Variants in EPHB2 observed in about 807,000 individuals in gnomAD.
EPHB2 encodes the protein ephrin type-B receptor 2.
In EPHB2, 18 loss-of-function variants were observed where a neutral mutation model predicts 96.4. That is an observed-to-expected ratio of 0.19 (90% CI 0.13 to 0.28). EPHB2 has a LOEUF of 0.28. Ranked by LOEUF, EPHB2 falls within the 10% of genes least tolerant of loss-of-function variation. The pLI, the probability that EPHB2 is intolerant of heterozygous loss-of-function variation, is 1.00. For synonymous variants in EPHB2, 506 were observed against 534.1 expected, an observed-to-expected ratio of 0.95 and a Z score of 0.72; for missense variants, 989 against 1,355.4, an observed-to-expected ratio of 0.73 and a Z score of 4.25.
At chr1:22,902,169 C>T (rs995222393) in intron 9 of EPHB2, among the ~76,000 whole-genome samples, 4 of 152,178 alleles carry the variant, frequency 2.6e-5, no homozygotes, top group Non-Finnish European at 5.9e-5. Flanking sequence ...GAAAAACAGG[C>T]ATCACATGTG....
At chr1:22,755,369 GA>G (rs1474190065) in intron 1 of EPHB2, among the ~76,000 whole-genome samples, 1 of 152,118 alleles carries the variant, frequency 6.6e-6, no homozygotes, top group East Asian at 1.9e-4. Context: ...AACAAAGACC[GA>G]AAAAACATTT....
chr1:22,901,464 C>G (rs1018498689), intron 9 of EPHB2, among the ~76,000 whole-genome samples: 2 of 152,230 alleles, frequency 1.3e-5, no homozygotes, highest in Non-Finnish European at 2.9e-5. Context: ...ACTCTGTACA[C>G]TGGTTCCTCT....
chr1:22,761,133 T>C (rs1644229894), intron 1 of EPHB2, among the ~76,000 whole-genome samples: 1 of 152,132 alleles, frequency 6.6e-6, no homozygotes, highest in Admixed American at 6.5e-5. Context: ...CCCATGATTC[T>C]CTTCTGATCT....
intron 1 of EPHB2, among the ~76,000 whole-genome samples, chr1:22,758,043 C>T (rs1015178126): frequency 1.5e-4 from 22 of 146,382 alleles, no homozygotes; most frequent in Admixed American, 1.4e-3. Context: ...CTCAGCCTCC[C>T]GAGTAGCTGG....
At chr1:22,829,363 C>T (rs185637053) in intron 3 of EPHB2, among the ~76,000 whole-genome samples, 24 of 152,342 alleles carry the variant, frequency 1.6e-4, no homozygotes, top group African/African-American at 5.0e-4. Context: ...GTCTTAGGGG[C>T]CCACCAGATC....
At chr1:22,912,121 G>T (rs1384901101) in intron 14 of EPHB2, among the ~76,000 whole-genome samples, 1 of 152,160 alleles carries the variant, frequency 6.6e-6, no homozygotes, top group Non-Finnish European at 1.5e-5. Flanking sequence ...GCATGGAGCT[G>T]CGTCTTCCCC....
intron 3 of EPHB2, among the ~76,000 whole-genome samples, chr1:22,853,167 A>C (rs187103992): frequency 6.6e-6 from 1 of 152,202 alleles, no homozygotes; most frequent in Non-Finnish European, 1.5e-5. Flanking sequence ...TGGCTAACAC[A>C]GTGAAATCCC....
intron 1 of EPHB2, chr1:22,774,635 G>A: frequency 3.0e-6 from 3 of 985,292 alleles, no homozygotes; most frequent in East Asian, 2.3e-4. Context: ...GACGGTGGCT[G>A]GAAGGTAATT....
chr1:22,779,098 C>T (rs1003093632), intron 1 of EPHB2, among the ~76,000 whole-genome samples: 3 of 152,222 alleles, frequency 2.0e-5, no homozygotes, highest in African/African-American at 7.2e-5. Context: ...GGCAGAGAGC[C>T]CGGCTTGGCG....
At chr1:22,713,468 A>G (rs866399777) in intron 1 of EPHB2, among the ~76,000 whole-genome samples, 12 of 152,268 alleles carry the variant, frequency 7.9e-5, no homozygotes, top group South Asian at 2.1e-4. Context: ...GAGTGATGAC[A>G]GCGCCTGTCC....
intron 3 of EPHB2, among the ~76,000 whole-genome samples, chr1:22,805,882 AG>A (rs1644918506): frequency 6.6e-6 from 1 of 152,198 alleles, no homozygotes; most frequent in African/African-American, 2.4e-5. Flanking sequence ...TGGGAGGCCG[AG>A]CCCATTTGTA....
At position 22,914,062 on chromosome 1, in the gene EPHB2, G is replaced by T; in HGVS notation, c.*492G>T. 1.4e-6 allele frequency: 1 copy of T among 702,592 alleles called. No homozygotes were observed. The highest frequency in any genetic ancestry group is 2.2e-5 in the South Asian group (1 of 45,666). The allele number at this position is 702,592 out of a possible 1,614,324, so 43.5% of individuals were successfully genotyped here. A position where few individuals can be genotyped will look rare whatever the true frequency, so the allele number is the denominator to read the frequency against. On this transcript the variant is annotated 3_prime_UTR_variant, in exon 16 of 16. Coordinates refer to ENST00000374630, the MANE Select transcript of EPHB2 (RefSeq NM_017449.5). ...TCTAGGCCTCACTCAACAACCAAGC[G>T]CCTGGAGGACGGGACAGATGGACAG...
At chr1:22,775,967 G>A (rs1330911679) in intron 1 of EPHB2, among the ~76,000 whole-genome samples, 1 of 152,242 alleles carries the variant, frequency 6.6e-6, no homozygotes, top group Non-Finnish European at 1.5e-5. Context: ...AAGGGCAGGT[G>A]AAACGGCAAA....
intron 3 of EPHB2, among the ~76,000 whole-genome samples, chr1:22,818,762 TCA>T (rs1214342897): frequency 3.3e-5 from 5 of 152,108 alleles, no homozygotes; most frequent in African/African-American, 1.2e-4. Flanking sequence ...CCGTCAGGTC[TCA>T]GTTTTGACGT....
At chr1:22,769,683 C>T (rs1644352321) in intron 1 of EPHB2, among the ~76,000 whole-genome samples, 1 of 152,318 alleles carries the variant, frequency 6.6e-6, no homozygotes, top group East Asian at 1.9e-4. Context: ...GCTGGGATTA[C>T]AGGCGTGAGC....
At position 22,710,939 on chromosome 1, in the gene EPHB2, CG is replaced by C. The variant is rs1304440113; in HGVS notation, c.-41del. On this transcript the variant is annotated 5_prime_UTR_variant, in exon 1 of 16. Transcript: ENST00000374630. ...GGCGCGCGCTCCCGCCCGGGCCGTCCGGGCCCCGCGGCGCCGCGGCCCGAGG... is the reference window on the plus strand; with the variant it reads ...GGCGCGCGCTCCCGCCCGGGCCGTCCGGCCCCGCGGCGCCGCGGCCCGAGG... 9 of 150,038 alleles carry C rather than the reference CG, an allele frequency of 6.0e-5. No homozygotes were observed. The South Asian group carries it at 1.4e-3, about 24-fold the overall frequency. The allele number at this position is 150,038 out of a possible 1,614,324, so 9.3% of individuals were successfully genotyped here.
At chr1:22,726,950 T>G (rs575319901) in intron 1 of EPHB2, among the ~76,000 whole-genome samples, 3 of 152,228 alleles carry the variant, frequency 2.0e-5, no homozygotes, top group Admixed American at 2.0e-4. Flanking sequence ...GGGAACAGCC[T>G]AGGCAAAGGC....
chr1:22,784,913 C>T lies in EPHB2; in HGVS notation c.648C>T (p.Ser216=). 2 of 1,614,018 alleles carry T rather than the reference C, an allele frequency of 1.2e-6. No individual in the cohort carries two copies. The highest frequency in any genetic ancestry group is 1.7e-6 in the Non-Finnish European group (2 of 1,180,058). ...IFQETLSGAE[S]TSLVAARGSC... ...AGGAAACCCTGTCGGGGGCTGAGAG[C>T]ACATCGCTGGTGGCTGCCCGGGGCA... is the stretch of plus-strand genomic sequence containing the variant. The change falls in exon 3 of 16, where the codon AGC becomes AGT. Residue 216 remains serine, a synonymous_variant. Transcript: ENST00000374630. The surrounding 1 kb of genome is among the most constrained non-coding windows in gnomAD (Gnocchi z 5.1).
rs947626226 is a variant in EPHB2, at chr1:22,919,214, T to A, written c.*5644T>A. 1 of 152,230 alleles carries A rather than the reference T, an allele frequency of 6.6e-6. No homozygotes were observed. The highest frequency in any genetic ancestry group is 1.5e-5 in the Non-Finnish European group (1 of 68,082). The allele number at this position is 152,230 out of a possible 1,614,324, so 9.4% of individuals were successfully genotyped here. A position where few individuals can be genotyped will look rare whatever the true frequency, so the allele number is the denominator to read the frequency against. Reference sequence around the variant, plus strand: ...TGATGTCTGCAGAGAGAGGGTCTGCTGTAGACAGGGATTAAGAAAAAGCAG... The same window carrying A: ...TGATGTCTGCAGAGAGAGGGTCTGCAGTAGACAGGGATTAAGAAAAAGCAG... On this transcript the variant is annotated 3_prime_UTR_variant, in exon 16 of 16. Transcript: ENST00000374630.
Sources: allele counts gnomAD v4.1 joint callset (sites outside exome capture counted in the v4.1 genomes callset), GRCh38; gene constraint gnomAD v4.1.1; non-coding constraint Gnocchi (gnomAD v3.1); transcripts MANE v1.5; gene names NCBI Gene and HGNC (gene_info 2026-07-23, HGNC 2026-07-21).